Variants in GSDMC observed in about 807,000 individuals in gnomAD.
GSDMC encodes gasdermin C, also known as gasdermin-C.
A neutral mutation model predicts 58.0 loss-of-function variants in GSDMC; 59 were observed. The ratio of observed to expected loss-of-function variants is 1.02; its 90% CI spans 0.82 to 1.26. The LOEUF (loss-of-function observed/expected upper bound fraction) is 1.26. Among genes scored for constraint, GSDMC ranks in the 50% most tolerant of loss-of-function variants. GSDMC has a pLI of 0.00. For missense variants in GSDMC, 659 were observed against 598.5 expected, an observed-to-expected ratio of 1.10 and a Z score of -1.06; for synonymous variants, 241 against 220.2, an observed-to-expected ratio of 1.09 and a Z score of -0.83.
chr8:129,761,342 T>C (rs1278167819), intron 5 of GSDMC, among the ~76,000 whole-genome samples: 1 of 152,144 alleles, frequency 6.6e-6, no homozygotes, highest in South Asian at 2.1e-4. Flanking sequence ...TGTCCTCCTT[T>C]AGTTATCACC....
At chr8:129,719,858 T>A in the GSDMC span, among the ~76,000 whole-genome samples, 1 of 152,074 alleles carries the variant, frequency 6.6e-6, no homozygotes, top group South Asian at 2.1e-4. Context: ...GGCACAAGAA[T>A]CTCTTGAAAT....
chr8:129,737,127 A>G, the GSDMC span, among the ~76,000 whole-genome samples: 1 of 152,206 alleles, frequency 6.6e-6, no homozygotes, highest in Non-Finnish European at 1.5e-5. Context: ...ACCACTGCTC[A>G]ATGAAATAAA....
chr8:129,715,704 G>T, the GSDMC span, among the ~76,000 whole-genome samples: 1 of 152,150 alleles, frequency 6.6e-6, no homozygotes, highest in African/African-American at 2.4e-5. Flanking sequence ...TTAGGCAGAA[G>T]GAATATGATA....
the GSDMC span, among the ~76,000 whole-genome samples, chr8:129,731,830 AT>A: frequency 3.6e-4 from 55 of 152,250 alleles, no homozygotes; most frequent in Admixed American, 3.6e-3. Context: ...TTTTAAAAAA[AT>A]ATATGACCAA....
At chr8:129,720,823 T>G in the GSDMC span, among the ~76,000 whole-genome samples, 1 of 152,164 alleles carries the variant, frequency 6.6e-6, no homozygotes, top group South Asian at 2.1e-4. Context: ...TCAGGAAGAT[T>G]TGGTTTCAAA....
intron 3 of GSDMC, among the ~76,000 whole-genome samples, chr8:129,768,161 T>C (rs1034357317): frequency 1.3e-5 from 2 of 152,166 alleles, no homozygotes; most frequent in Non-Finnish European, 2.9e-5. Flanking sequence ...CTAGAGAGTG[T>C]GAGCAGCAAG....
intron 13 of GSDMC, 125 bp downstream of exon 13, chr8:129,749,327 A>G (rs1253535924): frequency 1.5e-6 from 1 of 679,564 alleles, no homozygotes; most frequent in Non-Finnish European, 2.6e-6. Flanking sequence ...CCCAGTGGCC[A>G]CCCTGTGATC....
chr8:129,749,446 T>C lies in GSDMC; in HGVS notation c.1287+6A>G. ...CCTGAACTTCTGGCCCCTGGGAAGTTCTCACCAGCTCCTGTTGCTGAAGCA... is the reference window on the plus strand; with the variant it reads ...CCTGAACTTCTGGCCCCTGGGAAGTCCTCACCAGCTCCTGTTGCTGAAGCA... On this transcript the variant is annotated splice_donor_region_variant and intron_variant, in intron 13 of 13. Transcript: ENST00000276708. The C allele has an allele frequency of 6.2e-7, 1 of 1,606,342 alleles. No individual in the cohort carries two copies. The highest frequency in any genetic ancestry group is 8.5e-7 in the Non-Finnish European group (1 of 1,173,020).
intron 3 of GSDMC, among the ~76,000 whole-genome samples, chr8:129,769,084 A>AAGGAGAGAAGAGGAG (rs2033964806): frequency 6.9e-6 from 1 of 145,606 alleles, no homozygotes; most frequent in Non-Finnish European, 1.5e-5. Context: ...TCACAAAGGA[A>AAGGAGAGAAGAGGAG]AGGAGAGGAG....
chr8:129,743,510 A>T (rs1260807121), downstream of GSDMC, among the ~76,000 whole-genome samples: 2 of 152,160 alleles, frequency 1.3e-5, no homozygotes, highest in Admixed American at 6.6e-5. Flanking sequence ...GCTGTTTTAA[A>T]GTCCTTATCA....
In GSDMC at chr8:129,762,716, C is replaced by T. The variant is rs73406822; in HGVS notation, c.586G>A (p.Glu196Lys). ...GCCTTCTTCTTCACTCTGAGACTCT[C>T]TCCTTGGCCTTGACCCTGGGGAGAG... is the stretch of plus-strand genomic sequence containing the variant. ...ITYGKGQGQG[E>K]SLRVKKKALT... Residue 196 changes from glutamate to lysine, a missense_variant, in exon 5 of 14, where the codon GAG becomes AAG. Physicochemically the swap from Glu to Lys is moderately conservative, Grantham distance 56. Coordinates refer to ENST00000276708, the MANE Select transcript of GSDMC (RefSeq NM_031415.3). 2.0e-5 allele frequency: 32 copies of T among 1,612,938 alleles called. No individual in the cohort carries two copies. The African/African-American group carries it at 4.1e-4, about 21-fold the overall frequency.
intron 3 of GSDMC, among the ~76,000 whole-genome samples, chr8:129,766,100 GA>G (rs942531263): frequency 5.9e-5 from 9 of 151,820 alleles, no homozygotes; most frequent in African/African-American, 2.2e-4. Flanking sequence ...GGGTCTCTCA[GA>G]AAAAAAAGGG....
At chr8:129,754,585 G>T (rs1417730628) in intron 6 of GSDMC, among the ~76,000 whole-genome samples, 1 of 152,092 alleles carries the variant, frequency 6.6e-6, no homozygotes, top group East Asian at 1.9e-4. Context: ...GATCATCCAG[G>T]AAAACATGAC....
chr8:129,766,407 C>A (rs769548046), intron 3 of GSDMC, among the ~76,000 whole-genome samples: 18 of 152,124 alleles, frequency 1.2e-4, no homozygotes, highest in South Asian at 2.1e-4. Context: ...GAAGTTCAAC[C>A]TTGATTCTAC....
chr8:129,722,116 T>A, the GSDMC span, among the ~76,000 whole-genome samples: 2 of 152,228 alleles, frequency 1.3e-5, no homozygotes, highest in East Asian at 3.8e-4. Context: ...CCAGTTTAAG[T>A]CACTCTATTC....
chr8:129,749,825 G>T (rs1047415887), intron 12 of GSDMC, among the ~76,000 whole-genome samples, 165 bp downstream of exon 12: 2 of 152,150 alleles, frequency 1.3e-5, no homozygotes, highest in Non-Finnish European at 2.9e-5. Flanking sequence ...GTGTCATACG[G>T]CAAGTTATCA....
intron 5 of GSDMC, 56 bp from the exon 6 acceptor site, chr8:129,760,645 C>T: frequency 1.0e-6 from 1 of 995,700 alleles, no homozygotes; most frequent in Admixed American, 2.0e-5. Flanking sequence ...CTGCCTGAAC[C>T]TAGACCAGGG....
chr8:129,772,125 G>C (rs2034075679), intron 3 of GSDMC, among the ~76,000 whole-genome samples: 1 of 152,062 alleles, frequency 6.6e-6, no homozygotes, highest in South Asian at 2.1e-4. Flanking sequence ...TTCGGGCATG[G>C]TGGCAGGCGC....
chr8:129,749,604 C>T (rs2033088830), intron 12 of GSDMC, 79 bp from the exon 13 acceptor site: 3 of 1,031,894 alleles, frequency 2.9e-6, no homozygotes, highest in South Asian at 1.3e-5. Flanking sequence ...AGGAGACCCC[C>T]TGAGAGAATA....
Sources: allele counts gnomAD v4.1 joint callset (sites outside exome capture counted in the v4.1 genomes callset), GRCh38; gene constraint gnomAD v4.1.1; transcripts MANE v1.5; gene names NCBI Gene and HGNC (gene_info 2026-07-23, HGNC 2026-07-21).